The following SNX25 variants were observed in gnomAD, a reference collection of about 807,000 sequenced individuals.
The protein encoded by SNX25 is sorting nexin 25, also known as sorting nexin-25.
SNX25 carries 62 observed loss-of-function variants against 113.7 expected under a neutral mutation model. That is an observed-to-expected ratio of 0.55 (90% CI 0.44 to 0.67). The LOEUF (loss-of-function observed/expected upper bound fraction) is 0.67, where lower values mean the gene tolerates loss of function less well. Ranked by LOEUF, SNX25 falls within the 30% of genes least tolerant of loss-of-function variation. SNX25 has a pLI of 0.00. For synonymous variants in SNX25, 421 were observed against 436.2 expected (o/e 0.97, Z 0.43); for missense variants, 1,014 against 1,161.0 (o/e 0.87, Z 1.84).
intron 1 of SNX25, among the ~76,000 whole-genome samples, chr4:185,240,052 A>G (rs1743461315): frequency 6.6e-6 from 1 of 151,598 alleles, no homozygotes; most frequent in Non-Finnish European, 1.5e-5. Flanking sequence ...GAGTGGACAC[A>G]GCACATGTTT....
In SNX25 at chr4:185,271,380, C is replaced by T. The variant is rs556354198; in HGVS notation, c.1091+4225C>T. Among the ~76,000 whole-genome samples the T allele has an allele frequency of 5.3e-5, 8 of 152,286 alleles. 1 individual carries two copies. The highest frequency in any genetic ancestry group is 9.6e-5 in the African/African-American group (4 of 41,564). On this transcript the variant is annotated intron_variant, in intron 5 of 18. Transcript: ENST00000652585. The stretch of plus-strand genomic sequence containing the variant: ...TGCAACCTCTGCCTCCGGGTTTAAG[C>T]GATCCTCCCACCTCAGTCTCCCAAG...
chr4:185,282,818 C>T (rs11943671), intron 5 of SNX25, among the ~76,000 whole-genome samples: 3,898 of 152,302 alleles, frequency 0.026, 81 homozygotes, highest in South Asian at 0.06. Flanking sequence ...AGCGTACAAA[C>T]ATCAGCCCTC....
intron 5 of SNX25, among the ~76,000 whole-genome samples, chr4:185,286,781 C>T (rs939005706): frequency 6.6e-6 from 1 of 152,226 alleles, no homozygotes; most frequent in African/African-American, 2.4e-5. Flanking sequence ...CTGCTCCTGA[C>T]AGCCTGCTCT....
chr4:185,215,682 A>G (rs931807782), intron 1 of SNX25, among the ~76,000 whole-genome samples: 6 of 152,164 alleles, frequency 3.9e-5, no homozygotes, highest in African/African-American at 1.2e-4. Flanking sequence ...TTGCGTTTTA[A>G]CTGGGGGATT....
intron 9 of SNX25, among the ~76,000 whole-genome samples, chr4:185,327,438 A>G (rs1051367474): frequency 6.6e-6 from 1 of 152,210 alleles, no homozygotes; most frequent in Non-Finnish European, 1.5e-5. Flanking sequence ...TACACAGACA[A>G]TCTCTGACAT....
At chr4:185,244,492 A>G (rs1290199267) in intron 1 of SNX25, among the ~76,000 whole-genome samples, 1 of 152,258 alleles carries the variant, frequency 6.6e-6, no homozygotes, top group East Asian at 1.9e-4. Context: ...TAAAAGCAGT[A>G]GAATTTGAAA....
chr4:185,298,967 G>A (rs1369115130), intron 6 of SNX25, among the ~76,000 whole-genome samples: 1 of 152,134 alleles, frequency 6.6e-6, no homozygotes, highest in Non-Finnish European at 1.5e-5. Context: ...GAGTACCATT[G>A]TGTATTAGGT....
intron 1 of SNX25, among the ~76,000 whole-genome samples, chr4:185,218,367 G>C (rs1739228350): frequency 6.6e-6 from 1 of 152,264 alleles, no homozygotes; most frequent in South Asian, 2.1e-4. Flanking sequence ...TTACAGGCAT[G>C]AGCCACCACT....
chr4:185,308,054 G>A (rs1754705106), intron 6 of SNX25, among the ~76,000 whole-genome samples: 1 of 152,140 alleles, frequency 6.6e-6, no homozygotes, highest in South Asian at 2.1e-4. Flanking sequence ...CCACCACGCC[G>A]GGCCCACACC....
intron 6 of SNX25, among the ~76,000 whole-genome samples, chr4:185,299,321 A>C (rs1314500560): frequency 6.6e-6 from 1 of 152,162 alleles, no homozygotes; most frequent in African/African-American, 2.4e-5. Flanking sequence ...AGATGAGATT[A>C]ATAGACAAGG....
At chr4:185,275,144 C>G (rs1255871587) in intron 5 of SNX25, among the ~76,000 whole-genome samples, 1 of 152,164 alleles carries the variant, frequency 6.6e-6, no homozygotes, top group Non-Finnish European at 1.5e-5. Flanking sequence ...TAAAGAAAAT[C>G]AGAGCAGCCT....
chr4:185,240,407 A>G (rs1743601301), intron 1 of SNX25, among the ~76,000 whole-genome samples: 1 of 143,664 alleles, frequency 7.0e-6, no homozygotes, highest in Non-Finnish European at 1.5e-5. Flanking sequence ...TGACCCCCCC[A>G]CCTCCCTCCC....
intron 6 of SNX25, among the ~76,000 whole-genome samples, chr4:185,310,359 C>G (rs1035475696): frequency 2.6e-5 from 4 of 152,164 alleles, no homozygotes; most frequent in Admixed American, 2.6e-4. Context: ...AATACACACA[C>G]AGATTTGTGA....
intron 1 of SNX25, among the ~76,000 whole-genome samples, chr4:185,242,691 C>G (rs1413696193): frequency 6.6e-6 from 1 of 152,122 alleles, no homozygotes; most frequent in East Asian, 1.9e-4. Flanking sequence ...AGCTTTCCTT[C>G]CTCTAGAGTA....
At chr4:185,353,630 T>A in intron 15 of SNX25, 28 bp downstream of exon 15, 1 of 1,537,588 alleles carries the variant, frequency 6.5e-7, no homozygotes, top group Non-Finnish European at 9.0e-7. Flanking sequence ...TATTTAGTGG[T>A]ATTTGCTAGT....
At chr4:185,288,641 C>T (rs1367625224) in intron 6 of SNX25, among the ~76,000 whole-genome samples, 2 of 151,664 alleles carry the variant, frequency 1.3e-5, no homozygotes, top group Non-Finnish European at 1.5e-5. Context: ...ATATATTGCT[C>T]TATCTTTTTC....
chr4:185,239,291 G>T (rs540828305), intron 1 of SNX25, among the ~76,000 whole-genome samples: 1 of 151,810 alleles, frequency 6.6e-6, no homozygotes, highest in Admixed American at 6.6e-5. Context: ...AGACCATCCT[G>T]GCCAACACGG....
chr4:185,377,345 C>T, the SNX25 span: 1 of 220,698 alleles, frequency 4.5e-6, no homozygotes, highest in Non-Finnish European at 9.2e-6. Flanking sequence ...ATGGAGAAAC[C>T]CCGTCTCTAC....
intron 2 of SNX25, among the ~76,000 whole-genome samples, chr4:185,247,771 T>C (rs1745065911): frequency 1.3e-5 from 2 of 152,126 alleles, no homozygotes; most frequent in Non-Finnish European, 1.5e-5. Context: ...AACTAAGTGA[T>C]AGTAGTCTTT....
Sources: gnomAD v4.1 joint callset for allele counts (sites outside exome capture counted in the v4.1 genomes callset) on GRCh38, gnomAD v4.1.1 for gene constraint, MANE v1.5 for transcripts, NCBI Gene and HGNC (gene_info 2026-07-23, HGNC 2026-07-21) for gene names.